GABBR2: variants seen among roughly 807,000 people sequenced by gnomAD.
The protein encoded by GABBR2 is G-protein coupled receptor 51.
A neutral mutation model predicts 105.6 loss-of-function variants in GABBR2; 23 were observed. That is an observed-to-expected ratio of 0.22 (90% CI 0.16 to 0.31). GABBR2 has a LOEUF of 0.31. Ranked by LOEUF, GABBR2 falls within the 10% of genes least tolerant of loss-of-function variation. GABBR2 has a pLI of 1.00. For missense variants in GABBR2, 734 were observed against 1,245.5 expected (o/e 0.59, Z 6.18); for synonymous variants, 478 against 499.7 (o/e 0.96, Z 0.58).
chr9:98,364,253 C>T (rs976496317), intron 12 of GABBR2, among the ~76,000 whole-genome samples: 1 of 152,194 alleles, frequency 6.6e-6, no homozygotes, highest in Non-Finnish European at 1.5e-5. Context: ...AACTCCCTGC[C>T]AGTCTTGAGA....
intron 11 of GABBR2, among the ~76,000 whole-genome samples, chr9:98,384,709 T>A (rs1002380367): frequency 3.3e-5 from 5 of 152,264 alleles, no homozygotes; most frequent in African/African-American, 1.2e-4. Flanking sequence ...GTTACACTGC[T>A]TTGGACTTCA....
intron 17 of GABBR2, among the ~76,000 whole-genome samples, chr9:98,296,221 T>A: frequency 6.6e-6 from 1 of 152,206 alleles, no homozygotes; most frequent in East Asian, 1.9e-4. Context: ...CTTCCACTCC[T>A]TCTGCCACAT....
Position 98,480,953 on chromosome 9 carries a change from C to A in GABBR2, c.777G>T (p.Met259Ile). Residue 259 changes from methionine to isoleucine, a missense_variant, in exon 5 of 19, where the codon ATG becomes ATT. Physicochemically the swap from Met to Ile is conservative, Grantham distance 10. Coordinates refer to ENST00000259455, the MANE Select transcript of GABBR2 (RefSeq NM_005458.8). ...TTACACAACAGAACACTTTTGCTGC[C>A]ATATTCTGGTCAAACTGGCCAAGGA... ...RIILGQFDQN[M>I]AAKVFCCAYE... The A allele has an allele frequency of 6.2e-7, 1 of 1,603,356 alleles. No individual in the cohort carries two copies. The highest frequency in any genetic ancestry group is 1.1e-5 in the South Asian group (1 of 90,836).
intron 12 of GABBR2, among the ~76,000 whole-genome samples, chr9:98,363,701 T>C (rs1831627579): frequency 6.6e-6 from 1 of 152,168 alleles, no homozygotes; most frequent in African/African-American, 2.4e-5. Flanking sequence ...AAAAGTCTGA[T>C]GAATTGAATT....
intron 1 of GABBR2, among the ~76,000 whole-genome samples, chr9:98,670,766 G>C (rs1253478723): frequency 6.6e-6 from 1 of 152,208 alleles, no homozygotes; most frequent in Non-Finnish European, 1.5e-5. Flanking sequence ...CTCATCTGAG[G>C]TACCTGGAGT....
intron 12 of GABBR2, among the ~76,000 whole-genome samples, chr9:98,369,387 A>G (rs1239169543): frequency 6.6e-6 from 1 of 152,020 alleles, no homozygotes; most frequent in Admixed American, 6.5e-5. Flanking sequence ...CTGAAGAAGA[A>G]CCTTGGCAGT....
chr9:98,402,191 GA>G (rs1260580403), intron 8 of GABBR2, among the ~76,000 whole-genome samples: 1 of 152,156 alleles, frequency 6.6e-6, no homozygotes, highest in Non-Finnish European at 1.5e-5. Context: ...CAGGGTCGGT[GA>G]GTTGGAGCGG....
intron 3 of GABBR2, among the ~76,000 whole-genome samples, chr9:98,518,227 T>C (rs943273003): frequency 6.6e-6 from 1 of 152,204 alleles, no homozygotes; most frequent in Non-Finnish European, 1.5e-5. Flanking sequence ...TAGCCCTGGT[T>C]GGTTCCATTG....
chr9:98,659,397 G>A (rs1305739612), intron 1 of GABBR2, among the ~76,000 whole-genome samples: 1 of 151,482 alleles, frequency 6.6e-6, no homozygotes, highest in Non-Finnish European at 1.5e-5. Context: ...ACAGATCAGG[G>A]GTCAGCAAAT....
At chr9:98,492,282 G>A (rs1827189562) in intron 4 of GABBR2, among the ~76,000 whole-genome samples, 1 of 137,268 alleles carries the variant, frequency 7.3e-6, no homozygotes, top group Non-Finnish European at 1.5e-5. Context: ...GTAGAATAAT[G>A]GAAATTTTGT....
Position 98,290,269 on chromosome 9 carries a change from GTTTTTTTTTTT to G in GABBR2, c.*304_*314del, listed in dbSNP as rs71369558. 43 of 76,882 alleles carry G rather than the reference GTTTTTTTTTTT, an allele frequency of 5.6e-4. 1 individual carries two copies. The highest frequency in any genetic ancestry group is 7.9e-4 in the Non-Finnish European group (33 of 41,830). The allele number at this position is 76,882 out of a possible 1,614,324, so 4.8% of individuals were successfully genotyped here. On this transcript the variant is annotated 3_prime_UTR_variant, in exon 19 of 19. Coordinates refer to ENST00000259455, the MANE Select transcript of GABBR2 (RefSeq NM_005458.8). ...GCCTCTCTCCTTGTCTAGTTTTTTT[GTTTTTTTTTTT>G]TTTTTTTTTTTTTTGCAAGTTTGAT... is the stretch of plus-strand genomic sequence containing the variant.
At chr9:98,560,867 C>T (rs185261467) in intron 2 of GABBR2, among the ~76,000 whole-genome samples, 4 of 151,018 alleles carry the variant, frequency 2.6e-5, no homozygotes, top group Admixed American at 2.0e-4. Flanking sequence ...TTGAAATTAG[C>T]TTACAAATAT....
chr9:98,297,123 G>A (rs575759128), intron 17 of GABBR2, among the ~76,000 whole-genome samples: 19 of 152,214 alleles, frequency 1.2e-4, no homozygotes, highest in African/African-American at 4.6e-4. Flanking sequence ...TTATCCCAAT[G>A]AAATTTATTG....
chr9:98,372,486 A>G (rs1457111318), intron 11 of GABBR2, among the ~76,000 whole-genome samples: 1 of 152,120 alleles, frequency 6.6e-6, no homozygotes, highest in Non-Finnish European at 1.5e-5. Context: ...AGCTCTGTTG[A>G]GCTTAGTTTC....
intron 12 of GABBR2, 76 bp downstream of exon 12, chr9:98,371,388 G>A: frequency 2.5e-6 from 2 of 805,760 alleles, no homozygotes; most frequent in Middle Eastern, 2.3e-4. Flanking sequence ...CTCAGTGCCT[G>A]GAATATAGTA....
intron 2 of GABBR2, among the ~76,000 whole-genome samples, chr9:98,573,890 T>C (rs541238363): frequency 6.6e-6 from 1 of 152,320 alleles, no homozygotes; most frequent in East Asian, 1.9e-4. Flanking sequence ...AGTAAGATTT[T>C]TTTTGCCTCG....
intron 12 of GABBR2, among the ~76,000 whole-genome samples, chr9:98,370,776 T>A (rs583115): frequency 0.06 from 9,146 of 152,224 alleles, 457 homozygotes; most frequent in South Asian, 0.19. Context: ...AAGAGGACAG[T>A]GGTGGATAAA....
intron 1 of GABBR2, among the ~76,000 whole-genome samples, chr9:98,658,900 T>C (rs1830218234): frequency 6.6e-6 from 1 of 152,172 alleles, no homozygotes. Flanking sequence ...TGGGCAGCAT[T>C]AAGGGATGTC....
chr9:98,577,688 GAGTCAGTGGTGAGCCC>G (rs951961513), intron 2 of GABBR2, among the ~76,000 whole-genome samples: 1 of 152,200 alleles, frequency 6.6e-6, no homozygotes, highest in African/African-American at 2.4e-5. Context: ...CTGGGCTAGG[GAGTCAGTGGTGAGCCC>G]TGAAGCCTTC....
Sources: gnomAD v4.1 joint callset for allele counts (sites outside exome capture counted in the v4.1 genomes callset) on GRCh38, gnomAD v4.1.1 for gene constraint, MANE v1.5 for transcripts, NCBI Gene and HGNC (gene_info 2026-07-23, HGNC 2026-07-21) for gene names.